CLCN5: variants seen among roughly 807,000 people sequenced by gnomAD.
The protein encoded by CLCN5 is Cl-/H+ antiporter 5, also known as H(+)/Cl(-) exchange transporter 5.
A neutral mutation model predicts 54.0 loss-of-function variants in CLCN5; 17 were observed. The ratio of observed to expected loss-of-function variants is 0.31; its 90% CI spans 0.22 to 0.47. CLCN5 has a LOEUF of 0.47. Among genes scored for constraint, CLCN5 ranks in the 20% least tolerant of loss-of-function variants. CLCN5 has a pLI of 1.00. For missense variants in CLCN5, 448 were observed against 646.7 expected (o/e 0.69, Z 3.33); for synonymous variants, 222 against 233.0 (o/e 0.95, Z 0.43).
intron 3 of CLCN5, among the ~76,000 whole-genome samples, chrX:49,944,863 C>T (rs1397259960): frequency 9.0e-6 from 1 of 111,555 alleles, no homozygotes; most frequent in East Asian, 2.8e-4. Context: ...GTCTAAAATA[C>T]ACCCACTTTT....
chrX:50,080,257 ACATGGAAT>A (rs1249453746), intron 7 of CLCN5, among the ~76,000 whole-genome samples: 2 of 111,338 alleles, frequency 1.8e-5, no homozygotes, highest in African/African-American at 3.3e-5. Context: ...TGGTAAAATG[ACATGGAAT>A]CATATATATT....
rs782591740 is a variant in CLCN5 at position 50,097,766 on chromosome X, C to T, written c.*5547C>T. On this transcript the variant is annotated 3_prime_UTR_variant, in exon 15 of 15. Transcript: ENST00000376091. ...GATACGTCTGAGTTGATGGGACCAACAGGGCTTTGCTCCTCTGTGAGGGCC... is the reference window on the plus strand; with the variant it reads ...GATACGTCTGAGTTGATGGGACCAATAGGGCTTTGCTCCTCTGTGAGGGCC... The T allele has an allele frequency of 9.0e-6, 1 of 111,640 alleles. No homozygotes were observed. The highest frequency in any genetic ancestry group is 2.8e-4 in the East Asian group (1 of 3,540). 9.2% of individuals were successfully genotyped at this position (111,640 alleles called of 1,213,427 possible).
At chrX:49,993,376 A>G (rs1557179252) in intron 3 of CLCN5, among the ~76,000 whole-genome samples, 2 of 112,200 alleles carry the variant, frequency 1.8e-5, no homozygotes, top group African/African-American at 6.5e-5. Flanking sequence ...GTGGACTTTT[A>G]GTATCCTGTG....
In CLCN5 at chrX:50,042,396, A is replaced by G. The variant is rs1932255011; in HGVS notation, c.97A>G (p.Ile33Val). 1 of 1,164,007 alleles carries G rather than the reference A, an allele frequency of 8.6e-7. No homozygotes were observed. Among genetic ancestry groups the G allele is most frequent in the Non-Finnish European group, 1.2e-6 (1 of 868,695 alleles). The change falls in exon 4 of 15, where the codon ATT (isoleucine) becomes GTT (valine). Residue 33 changes from isoleucine to valine, a missense_variant. Transcript: ENST00000376091. ...NSSSDEDLMD[I>V]PATAMDFSMR... Reference sequence around the variant, plus strand: ...CTCCAGTGATGAAGACCTGATGGACATTCCAGCAACCGCTATGGATTTCTC... The same window carrying G: ...CTCCAGTGATGAAGACCTGATGGACGTTCCAGCAACCGCTATGGATTTCTC...
intron 6 of CLCN5, among the ~76,000 whole-genome samples, chrX:50,073,586 A>ATGC (rs782221895): frequency 7.1e-5 from 8 of 112,044 alleles, no homozygotes; most frequent in African/African-American, 9.7e-5. Flanking sequence ...ACAGTTGTTA[A>ATGC]TGCTGCTGCT....
chrX:50,080,504 T>G (rs1557192900), intron 7 of CLCN5, 90 bp from the exon 8 acceptor site: 1 of 849,079 alleles, frequency 1.2e-6, no homozygotes, highest in African/African-American at 2.5e-5. Flanking sequence ...TTTTTGGACT[T>G]TTTTTCCTGA....
At position 50,080,679 on chromosome X, in the gene CLCN5, T is replaced by A; in HGVS notation, c.689T>A (p.Val230Glu). Residue 230 changes from valine to glutamate, a missense_variant, in exon 8 of 15, where the codon GTG (valine) becomes GAG (glutamate). Transcript: ENST00000376091. ...TTCCTTGCCGTATCTCTTGTCAAGG[T>A]GTTTGCGCCTTATGCCTGTGGCTCT... The part of the protein sequence containing the change: ...FAFLAVSLVK[V>E]FAPYACGSGI... 1 of 1,204,150 alleles carries A rather than the reference T, an allele frequency of 8.3e-7. No homozygotes were observed. Among genetic ancestry groups the A allele is most frequent in the Non-Finnish European group, 1.1e-6 (1 of 888,793 alleles).
Position 50,093,146 on chromosome X carries a change from T to A in CLCN5, c.*927T>A, listed in dbSNP as rs1934157186. 1 of 112,263 alleles carries A rather than the reference T, an allele frequency of 8.9e-6. No individual in the cohort carries two copies. Among genetic ancestry groups the A allele is most frequent in the Non-Finnish European group, 1.9e-5 (1 of 53,281 alleles). 9.3% of individuals were successfully genotyped at this position (112,263 alleles called of 1,213,427 possible). A position where few individuals can be genotyped will look rare whatever the true frequency, so the allele number is the denominator to read the frequency against. Reference sequence around the variant, plus strand: ...TTCTCTTACCCAGATGCCACCTCCATGAATGATGGTGCTTTAGGCTTCTGG... The same window carrying A: ...TTCTCTTACCCAGATGCCACCTCCAAGAATGATGGTGCTTTAGGCTTCTGG... On this transcript the variant is annotated 3_prime_UTR_variant, in exon 15 of 15. Coordinates refer to ENST00000376091, the MANE Select transcript of CLCN5 (RefSeq NM_001127898.4).
intron 3 of CLCN5, among the ~76,000 whole-genome samples, chrX:50,040,834 T>C (rs1557187056): frequency 8.9e-6 from 1 of 111,878 alleles, no homozygotes; most frequent in Non-Finnish European, 1.9e-5. Context: ...TAGGTGTTCA[T>C]AAATGTCACT....
At chrX:49,937,260 G>A (rs988144099) in intron 3 of CLCN5, among the ~76,000 whole-genome samples, 3 of 111,917 alleles carry the variant, frequency 2.7e-5, no homozygotes, top group Admixed American at 1.9e-4. Flanking sequence ...CTAGGATGAC[G>A]CACAAGAAAC....
chrX:49,994,808 C>T (rs1198834114), intron 3 of CLCN5, among the ~76,000 whole-genome samples: 4 of 111,725 alleles, frequency 3.6e-5, no homozygotes, highest in East Asian at 2.8e-4. Flanking sequence ...CAGTTAAACA[C>T]GATTGGGTGA....
chrX:50,038,455 A>G (rs1557186762), intron 3 of CLCN5, among the ~76,000 whole-genome samples: 1 of 111,682 alleles, frequency 9.0e-6, no homozygotes, highest in East Asian at 2.8e-4. Flanking sequence ...GGATGCAAAT[A>G]GAAGAACACA....
At chrX:49,945,009 G>T (rs1557171701) in intron 3 of CLCN5, among the ~76,000 whole-genome samples, 2 of 111,927 alleles carry the variant, frequency 1.8e-5, no homozygotes, top group East Asian at 2.8e-4. Context: ...TTCTGCCATT[G>T]TCTTAAACTG....
intron 3 of CLCN5, among the ~76,000 whole-genome samples, chrX:50,026,329 G>A (rs1014343249): frequency 8.1e-5 from 9 of 111,660 alleles, no homozygotes; most frequent in Admixed American, 1.9e-4. Context: ...AGCTTGAGAA[G>A]AATATGTATT....
intron 3 of CLCN5, 76 bp from the exon 4 acceptor site, chrX:50,042,240 G>T: frequency 2.2e-6 from 1 of 456,944 alleles, no homozygotes. Context: ...ACTTCAAAAT[G>T]GTTCAAATGG....
intron 3 of CLCN5, among the ~76,000 whole-genome samples, chrX:49,999,631 C>T (rs1929702556): frequency 1.8e-5 from 2 of 110,913 alleles, no homozygotes; most frequent in South Asian, 7.7e-4. Context: ...AAAATAAGTT[C>T]AGAAATGGCA....
intron 5 of CLCN5, among the ~76,000 whole-genome samples, 174 bp downstream of exon 5, chrX:50,070,204 A>AT (rs1336447908): frequency 2.7e-5 from 3 of 112,263 alleles, no homozygotes; most frequent in South Asian, 3.7e-4. Flanking sequence ...CTTGCACATA[A>AT]TTTTTTTATT....
chrX:49,950,101 G>A (rs781872067), intron 3 of CLCN5, among the ~76,000 whole-genome samples: 5 of 111,995 alleles, frequency 4.5e-5, no homozygotes, highest in Non-Finnish European at 7.5e-5. Context: ...AAAGGAAGTG[G>A]TAGGGTGAAA....
intron 3 of CLCN5, among the ~76,000 whole-genome samples, chrX:49,994,249 T>G (rs1929400552): frequency 9.0e-6 from 1 of 110,944 alleles, no homozygotes; most frequent in South Asian, 3.9e-4. Context: ...AGGAATAGAT[T>G]TTTAGAATTT....
Sources: allele counts gnomAD v4.1 joint callset (sites outside exome capture counted in the v4.1 genomes callset), GRCh38; gene constraint gnomAD v4.1.1; transcripts MANE v1.5; gene names NCBI Gene and HGNC (gene_info 2026-07-23, HGNC 2026-07-21).